ADAMTS2: variants seen among roughly 807,000 people sequenced by gnomAD.
ADAMTS2 encodes A disintegrin and metalloproteinase with thrombospondin motifs 2.
A neutral mutation model predicts 123.0 loss-of-function variants in ADAMTS2; 50 were observed. The observed-to-expected ratio is 0.41, with a 90% CI of 0.32 to 0.51. The LOEUF is 0.51. Among genes scored for constraint, ADAMTS2 ranks in the 20% least tolerant of loss-of-function variants. The pLI, the probability that ADAMTS2 is intolerant of heterozygous loss-of-function variation, is 0.35. For missense variants in ADAMTS2, 1,494 were observed against 1,705.2 expected, an observed-to-expected ratio of 0.88 and a Z score of 2.18; for synonymous variants, 678 against 695.4, an observed-to-expected ratio of 0.98 and a Z score of 0.39.
intron 3 of ADAMTS2, among the ~76,000 whole-genome samples, chr5:179,241,156 G>A (rs563475649): frequency 3.9e-5 from 6 of 152,344 alleles, no homozygotes; most frequent in South Asian, 2.1e-4. Context: ...AAGTGTGAGC[G>A]GAAGATAGGA....
intron 10 of ADAMTS2, among the ~76,000 whole-genome samples, chr5:179,141,239 ATTCT>A (rs763427262): frequency 6.6e-6 from 1 of 152,188 alleles, no homozygotes; most frequent in East Asian, 1.9e-4. Context: ...TCCTCAGCAA[ATTCT>A]TTCTGTAAAA....
chr5:179,264,851 A>G (rs559984337), intron 3 of ADAMTS2, among the ~76,000 whole-genome samples: 12 of 145,596 alleles, frequency 8.2e-5, no homozygotes, highest in Non-Finnish European at 1.4e-4. Context: ...TGGGCCCCTT[A>G]GTGAGCCAGA....
chr5:179,181,020 C>A lies in ADAMTS2; in HGVS notation c.975+52G>T. On this transcript the variant is annotated intron_variant, in intron 5 of 21. Transcript: ENST00000251582. This position sits in a 1 kb window ranked among gnomAD's most constrained non-coding sequence, Gnocchi z 4.1. ...AGGAGGCCCATGCCTCACTCCCAGG[C>A]CCCTCACTCCGAGGGGGTGGAGGCA... 7.0e-7 allele frequency: 1 copy of A among 1,421,496 alleles called. No individual in the cohort carries two copies. Among genetic ancestry groups the A allele is most frequent in the South Asian group, 1.1e-5 (1 of 87,250 alleles). 88.1% of individuals were successfully genotyped at this position (1,421,496 alleles called of 1,614,324 possible).
chr5:179,257,019 G>GGGGT (rs1766074154), intron 3 of ADAMTS2, among the ~76,000 whole-genome samples: 1 of 152,204 alleles, frequency 6.6e-6, no homozygotes. Flanking sequence ...GCCCATCACT[G>GGGGT]GGGTCACCAC....
At chr5:179,138,764 C>A (rs997210960) in intron 11 of ADAMTS2, among the ~76,000 whole-genome samples, 59 of 152,164 alleles carry the variant, frequency 3.9e-4, no homozygotes, top group African/African-American at 1.3e-3. Context: ...ACTGCGGGAT[C>A]CCTCCGCGGA....
In ADAMTS2 at chr5:179,137,910, C is replaced by T; in HGVS notation, c.1810G>A (p.Ala604Thr). ...ANGGRTCSGL[A>T]YDFQLCSRQD... The stretch of plus-strand genomic sequence containing the variant: ...CGGCTGCAGAGCTGGAAGTCGTAGG[C>T]AAGGCCCGAGCAGGTGCGGCCCCCG... Residue 604 changes from alanine (A) to threonine (T), a missense_variant, in exon 12 of 22, where the codon GCC (alanine) becomes ACC (threonine). This residue lies in a region of ADAMTS2 where 953 missense variants were observed against 1,124.7 expected (regional missense o/e 0.85). Coordinates refer to ENST00000251582, the MANE Select transcript of ADAMTS2 (RefSeq NM_014244.5). 3.9e-6 allele frequency: 6 copies of T among 1,552,168 alleles called. No individual in the cohort carries two copies. The highest frequency in any genetic ancestry group is 5.2e-6 in the Non-Finnish European group (6 of 1,149,540).
intron 2 of ADAMTS2, among the ~76,000 whole-genome samples, chr5:179,309,965 C>T (rs1366078362): frequency 1.3e-5 from 2 of 152,192 alleles, no homozygotes; most frequent in East Asian, 3.9e-4. Context: ...TGCCCCACCC[C>T]TGCCCTCTGG....
At chr5:179,230,674 C>A (rs189639699) in intron 3 of ADAMTS2, among the ~76,000 whole-genome samples, 5 of 152,244 alleles carry the variant, frequency 3.3e-5, no homozygotes, top group Admixed American at 3.3e-4. Context: ...TAAAACATAC[C>A]ACCATTCATG....
intron 1 of ADAMTS2, among the ~76,000 whole-genome samples, chr5:179,344,811 C>T (rs1280674189): frequency 2.6e-5 from 4 of 152,184 alleles, no homozygotes; most frequent in Admixed American, 2.0e-4. Context: ...CCCAAGGCTA[C>T]GCGCTCGGCA....
chr5:179,126,024 G>A lies in ADAMTS2; in HGVS notation c.2724C>T (p.Cys908=). Residue 908 remains cysteine (C), a synonymous_variant, in exon 18 of 22, where the codon TGC becomes TGT. Coordinates refer to ENST00000251582, the MANE Select transcript of ADAMTS2 (RefSeq NM_014244.5). ...LSKPKAIRRA[C]NPQECSQPVW... is the part of the protein sequence containing the mutation. ...CTGGCTGGGAGCATTCCTGTGGGTT[G>A]CACGCTCTGCGGATGGCTTTGGGCT... The A allele has an allele frequency of 1.2e-6, 2 of 1,613,436 alleles. No homozygotes were observed. Among genetic ancestry groups the A allele is most frequent in the Non-Finnish European group, 1.7e-6 (2 of 1,180,022 alleles).
At chr5:179,224,997 C>T (rs913649618) in intron 3 of ADAMTS2, among the ~76,000 whole-genome samples, 6 of 152,212 alleles carry the variant, frequency 3.9e-5, no homozygotes, top group African/African-American at 1.4e-4. Context: ...GTGGCTGAAG[C>T]TTCCCGGGCC....
At chr5:179,226,614 A>T (rs1412674167) in intron 3 of ADAMTS2, among the ~76,000 whole-genome samples, 2 of 152,178 alleles carry the variant, frequency 1.3e-5, no homozygotes, top group African/African-American at 4.8e-5. Flanking sequence ...ACCCTTAATT[A>T]AAGAAACAAC....
intron 3 of ADAMTS2, among the ~76,000 whole-genome samples, chr5:179,217,764 G>T (rs55799484): frequency 1.6e-3 from 141 of 88,412 alleles, no homozygotes; most frequent in South Asian, 5.6e-3. Context: ...GGTGTGAGGG[G>T]GGATGGGCAC....
At chr5:179,134,706 A>G (rs62396128) in intron 13 of ADAMTS2, among the ~76,000 whole-genome samples, 31,360 of 150,546 alleles carry the variant, frequency 0.21, 3,864 homozygotes, top group Middle Eastern at 0.35. Context: ...AATGCAGAGC[A>G]GCCCTCGAGC....
At chr5:179,279,917 C>T (rs1346279787) in intron 2 of ADAMTS2, among the ~76,000 whole-genome samples, 1 of 152,242 alleles carries the variant, frequency 6.6e-6, no homozygotes, top group Non-Finnish European at 1.5e-5. Context: ...AAACAGCTGT[C>T]CTCACCCGCA....
At position 179,123,754 on chromosome 5, in the gene ADAMTS2, T is replaced by C. The variant is rs147010335; in HGVS notation, c.2959-981A>G. Among the ~76,000 whole-genome samples the C allele has an allele frequency of 1.5e-3, 227 of 152,374 alleles. 5 individuals are homozygous for C. In the East Asian group the frequency reaches 0.034, roughly 23 times the overall value. Reference sequence around the variant, plus strand: ...AACGCCTGTTTTCAAGACTGGCCCTTGTGCAGCTCCTGGGAACCAAGCTCA... The same window carrying C: ...AACGCCTGTTTTCAAGACTGGCCCTCGTGCAGCTCCTGGGAACCAAGCTCA... On this transcript the variant is annotated intron_variant, in intron 19 of 21. Transcript: ENST00000251582.
At chr5:179,159,744 T>C (rs1205072115) in intron 5 of ADAMTS2, among the ~76,000 whole-genome samples, 4 of 152,190 alleles carry the variant, frequency 2.6e-5, no homozygotes, top group East Asian at 1.9e-4. Context: ...TCAGAGAAGT[T>C]AAGAAGCTTG....
intron 10 of ADAMTS2, among the ~76,000 whole-genome samples, chr5:179,146,399 G>A (rs1763250857): frequency 6.6e-6 from 1 of 152,074 alleles, no homozygotes; most frequent in Admixed American, 6.6e-5. Context: ...CCTTGATGTG[G>A]TTTTCAGGGC....
chr5:179,268,253 G>A (rs1303324499), intron 3 of ADAMTS2, among the ~76,000 whole-genome samples: 1 of 152,256 alleles, frequency 6.6e-6, no homozygotes, highest in Non-Finnish European at 1.5e-5. Context: ...GACACCACGT[G>A]TGGCTGCATT....
Sources: allele counts gnomAD v4.1 joint callset (sites outside exome capture counted in the v4.1 genomes callset), GRCh38; gene constraint gnomAD v4.1.1; regional missense constraint gnomAD v4.1.1; non-coding constraint Gnocchi (gnomAD v3.1); transcripts MANE v1.5; gene names NCBI Gene and HGNC (gene_info 2026-07-23, HGNC 2026-07-21).